The following SPARC variants were observed in gnomAD, a reference collection of about 807,000 sequenced individuals.
The protein encoded by SPARC is secreted protein acidic and cysteine rich.
In SPARC, 23 loss-of-function variants were observed where a neutral mutation model predicts 37.7. The ratio of observed to expected loss-of-function variants is 0.61; its 90% CI spans 0.44 to 0.87. The LOEUF (loss-of-function observed/expected upper bound fraction) is 0.87. SPARC is among the 40% of genes least tolerant of loss of function. The pLI, the probability that SPARC is intolerant of heterozygous loss-of-function variation, is 0.00. For synonymous variants in SPARC, 155 were observed against 150.8 expected (o/e 1.03, Z -0.20); for missense variants, 312 against 389.0 (o/e 0.80, Z 1.66).
intron 1 of SPARC, chr5:151,685,226 T>C (rs908012818): frequency 2.0e-5 from 3 of 152,146 alleles, no homozygotes; most frequent in African/African-American, 7.2e-5. Flanking sequence ...TGGCAGCTGA[T>C]AGCTGAGAGT....
chr5:151,680,375 T>C (rs12153644), intron 1 of SPARC, among the ~76,000 whole-genome samples: 2 of 151,502 alleles, frequency 1.3e-5, no homozygotes, highest in African/African-American at 4.8e-5. Flanking sequence ...TCACAGGCAC[T>C]TGTGACTACA....
intron 1 of SPARC, among the ~76,000 whole-genome samples, chr5:151,684,909 C>T (rs2113125318): frequency 6.6e-6 from 1 of 152,208 alleles, no homozygotes; most frequent in Non-Finnish European, 1.5e-5. Flanking sequence ...TTATCATGGC[C>T]CAAGGCTTCC....
chr5:151,673,202 A>G lies in SPARC; in HGVS notation c.135T>C (p.Ala45=). ...VAEVTEVSVG[A]NPVQVEVGEF... Reference sequence around the variant, plus strand: ...CTCCTACTTCCACCTGGACAGGATTAGCTCCCACAGATACCTGGAATTGAG... The same window carrying G: ...CTCCTACTTCCACCTGGACAGGATTGGCTCCCACAGATACCTGGAATTGAG... The change falls in exon 4 of 10, where the codon GCT becomes GCC. Residue 45 remains alanine, a synonymous_variant. Transcript: ENST00000231061. 1 of 1,612,414 alleles carries G rather than the reference A, an allele frequency of 6.2e-7. No individual in the cohort carries two copies. Among genetic ancestry groups the G allele is most frequent in the Non-Finnish European group, 8.5e-7 (1 of 1,178,390 alleles).
intron 2 of SPARC, among the ~76,000 whole-genome samples, 162 bp from the exon 3 acceptor site, chr5:151,674,836 AAAG>A (rs891515624): frequency 4.6e-5 from 7 of 152,232 alleles, no homozygotes; most frequent in African/African-American, 1.4e-4. Flanking sequence ...GGGACAGAAC[AAAG>A]AAGAAGCCAG....
intron 2 of SPARC, 82 bp downstream of exon 2, chr5:151,676,050 A>T: frequency 8.6e-7 from 1 of 1,157,914 alleles, no homozygotes; most frequent in Non-Finnish European, 1.3e-6. Flanking sequence ...GTTCCCTTTC[A>T]GCATCCAGGG....
Position 151,666,388 on chromosome 5 carries a change from C to A in SPARC, c.707G>T (p.Gly236Val). Residue 236 changes from glycine to valine, a missense_variant, in exon 8 of 10, where the codon GGC becomes GTC. By Grantham distance (109) the Gly-to-Val change is moderately radical. Coordinates refer to ENST00000231061, the MANE Select transcript of SPARC (RefSeq NM_003118.4). ...MYIFPVHWQF[G>V]QLDQHPIDGY... ...GTCAATGGGGTGCTGGTCCAGCTGGCCGAACTGCCAGTGTACAGGGAAGAT... is the reference window on the plus strand; with the variant it reads ...GTCAATGGGGTGCTGGTCCAGCTGGACGAACTGCCAGTGTACAGGGAAGAT... 6.2e-7 allele frequency: 1 copy of A among 1,614,052 alleles called. No homozygotes were observed. The highest frequency in any genetic ancestry group is 8.5e-7 in the Non-Finnish European group (1 of 1,179,956).
intron 1 of SPARC, among the ~76,000 whole-genome samples, chr5:151,680,395 T>TTTTTC (rs71274344): frequency 0.45 from 66,642 of 149,006 alleles, 16,046 homozygotes; most frequent in African/African-American, 0.61. Context: ...ACCCAGCGAA[T>TTTTTC]TTTTCTTTTC....
chr5:151,664,023 C>T, intron 9 of SPARC, 64 bp downstream of exon 9: 3 of 1,594,372 alleles, frequency 1.9e-6, no homozygotes, highest in Non-Finnish European at 2.6e-6. Context: ...GGGGGGATGA[C>T]AACCCAGCAC....
rs1760540319 is a variant in SPARC, at chr5:151,662,823, A to G, written c.*748T>C. 1 of 152,256 alleles carries G rather than the reference A, an allele frequency of 6.6e-6. No homozygotes were observed. The highest frequency in any genetic ancestry group is 6.5e-5 in the Admixed American group (1 of 15,280). The allele number at this position is 152,256 out of a possible 1,614,324, so 9.4% of individuals were successfully genotyped here. A position where few individuals can be genotyped will look rare whatever the true frequency, so the allele number is the denominator to read the frequency against. On this transcript the variant is annotated 3_prime_UTR_variant, in exon 10 of 10. Transcript: ENST00000231061. Reference sequence around the variant, plus strand: ...AGAGCCCTGGTTCTCCAAAAGACAGAGGAGGAGAAGCCCTGCAGGATGCGC... The same window carrying G: ...AGAGCCCTGGTTCTCCAAAAGACAGGGGAGGAGAAGCCCTGCAGGATGCGC...
Position 151,669,679 on chromosome 5 carries a change from T to G in SPARC, c.436A>C (p.Ile146Leu). 1 of 1,614,152 alleles carries G rather than the reference T, an allele frequency of 6.2e-7. No homozygotes were observed. Among genetic ancestry groups the G allele is most frequent in the South Asian group, 1.1e-5 (1 of 91,082 alleles). Residue 146 changes from isoleucine to leucine, a missense_variant, in exon 6 of 10, where the codon ATC (isoleucine) becomes CTC (leucine). Transcript: ENST00000231061. Reference protein sequence around the residue: ...KKGHKLHLDYIGPCKYIPPCL... With the variant: ...KKGHKLHLDYLGPCKYIPPCL... The stretch of plus-strand genomic sequence containing the variant: ...GGACACTCACATTTGCAAGGCCCGA[T>G]GTAGTCCAGGTGGAGCTTGTGGCCC...
At position 151,674,263 on chromosome 5, in the gene SPARC, G is replaced by A. The variant is rs115664332; in HGVS notation, c.120+349C>T. 1.9e-3 allele frequency among the ~76,000 whole-genome samples: 287 copies of A among 152,034 alleles called. 1 individual carries two copies. Among genetic ancestry groups the A allele is most frequent in the African/African-American group, 6.5e-3 (270 of 41,462 alleles). ...CCTGACCTCGTGAATTGCCTGCCTCGGCCTCCCAAAGGATTACAGGGATTA... is the reference window on the plus strand; with the variant it reads ...CCTGACCTCGTGAATTGCCTGCCTCAGCCTCCCAAAGGATTACAGGGATTA... On this transcript the variant is annotated intron_variant, in intron 3 of 9. Transcript: ENST00000231061.
Position 151,686,873 on chromosome 5 carries a change from C to T in SPARC, c.-22G>A. On this transcript the variant is annotated 5_prime_UTR_variant, in exon 1 of 10. Transcript: ENST00000231061. ...GCGGGGGTCACACATACCTCAGTGG[C>T]AGGCAGGCAGGCGGCAGGCAGAGCG... 6.5e-6 allele frequency: 1 copy of T among 152,964 alleles called. No homozygotes were observed. The highest frequency in any genetic ancestry group is 1.5e-5 in the Non-Finnish European group (1 of 68,662). 9.5% of individuals were successfully genotyped at this position (152,964 alleles called of 1,614,324 possible).
Position 151,674,625 on chromosome 5 carries a change from G to A in SPARC, c.107C>T (p.Ala36Val). 6.2e-7 allele frequency: 1 copy of A among 1,614,116 alleles called. No individual in the cohort carries two copies. The highest frequency in any genetic ancestry group is 8.5e-7 in the Non-Finnish European group (1 of 1,180,010). ...CTGCCCACATACCTCAGTCACCTCT[G>A]CCACAGTTTCTTCCACCACCTCTGT... Reference protein sequence around the residue: ...DETEVVEETVAEVTEVSVGAN... With the variant: ...DETEVVEETVVEVTEVSVGAN... The change falls in exon 3 of 10, where the codon GCA becomes GTA. Residue 36 changes from alanine to valine, a missense_variant. Physicochemically the swap from Ala to Val is moderately conservative, Grantham distance 64. Coordinates refer to ENST00000231061, the MANE Select transcript of SPARC (RefSeq NM_003118.4).
chr5:151,683,130 G>C (rs1761036937), intron 1 of SPARC, among the ~76,000 whole-genome samples: 1 of 152,174 alleles, frequency 6.6e-6, no homozygotes, highest in African/African-American at 2.4e-5. Context: ...CAGGGTCTGT[G>C]CTGTAGAAAC....
chr5:151,674,581 G>A (rs1254032916), intron 3 of SPARC, 31 bp downstream of exon 3: 2 of 1,608,926 alleles, frequency 1.2e-6, no homozygotes, highest in Non-Finnish European at 1.7e-6. Flanking sequence ...GGTAGAGAGG[G>A]GCTAAGGGGC....
chr5:151,673,058 C>T (rs1760781727), intron 4 of SPARC, 71 bp downstream of exon 4: 1 of 1,039,050 alleles, frequency 9.6e-7, no homozygotes, highest in Admixed American at 1.7e-5. Context: ...CTCATGTAGG[C>T]TGTCCTCGTG....
intron 4 of SPARC, chr5:151,672,804 T>G (rs1259830690): frequency 1.8e-5 from 6 of 340,688 alleles, no homozygotes; most frequent in Middle Eastern, 1.8e-3. Context: ...GGTGACCAGA[T>G]GTGATCAGCG....
chr5:151,676,789 C>G (rs1760867959), intron 1 of SPARC, among the ~76,000 whole-genome samples: 1 of 152,182 alleles, frequency 6.6e-6, no homozygotes, highest in Admixed American at 6.5e-5. Flanking sequence ...GCCTCCTCCC[C>G]CTCCTTCCTA....
intron 8 of SPARC, 43 bp from the exon 9 acceptor site, chr5:151,664,278 C>T: frequency 6.3e-7 from 1 of 1,592,372 alleles, no homozygotes; most frequent in South Asian, 1.1e-5. Flanking sequence ...CATGGAAAAG[C>T]TCCACACCCA....
Sources: allele counts gnomAD v4.1 joint callset (sites outside exome capture counted in the v4.1 genomes callset), GRCh38; gene constraint gnomAD v4.1.1; transcripts MANE v1.5; gene names NCBI Gene and HGNC (gene_info 2026-07-23, HGNC 2026-07-21).